Variants in SNTB1 observed in about 807,000 individuals in gnomAD.
The protein encoded by SNTB1 is syntrophin beta 1.
In SNTB1, 36 loss-of-function variants were observed where a neutral mutation model predicts 48.9. That is an observed-to-expected ratio of 0.74 (90% CI 0.56 to 0.97). SNTB1 has a LOEUF of 0.97. Ranked by LOEUF, SNTB1 falls within the 50% of genes least tolerant of loss-of-function variation. The pLI is 0.00. For missense variants in SNTB1, 786 were observed against 703.4 expected, an observed-to-expected ratio of 1.12 and a Z score of -1.33; for synonymous variants, 299 against 294.6, an observed-to-expected ratio of 1.01 and a Z score of -0.15.
chr8:120,649,214 C>T (rs1194023436), intron 2 of SNTB1, among the ~76,000 whole-genome samples: 2 of 151,770 alleles, frequency 1.3e-5, no homozygotes, highest in African/African-American at 2.4e-5. Context: ...TGGTGAGGAA[C>T]TGCGTTCCCT....
chr8:120,811,392 G>A lies in SNTB1; in HGVS notation c.452C>T (p.Thr151Ile). ...KIFKGLAADQ[T>I]QALYVGDAIL... ...GGCGTCGCCCACGTACAGGGCTTGGGTCTGGTCCGCCGCCAGCCCCTTGAA... is the reference window on the plus strand; with the variant it reads ...GGCGTCGCCCACGTACAGGGCTTGGATCTGGTCCGCCGCCAGCCCCTTGAA... The change falls in exon 1 of 7, where the codon ACC becomes ATC. Residue 151 changes from threonine (T) to isoleucine (I), a missense_variant. Thr to Ile is a moderately conservative substitution (Grantham distance 89). Coordinates refer to ENST00000517992, the MANE Select transcript of SNTB1 (RefSeq NM_021021.4). 1 of 1,614,030 alleles carries A rather than the reference G, an allele frequency of 6.2e-7. No homozygotes were observed. Among genetic ancestry groups the A allele is most frequent in the South Asian group, 1.1e-5 (1 of 91,088 alleles).
chr8:120,683,082 T>C (rs751424904), intron 2 of SNTB1, among the ~76,000 whole-genome samples: 21 of 152,050 alleles, frequency 1.4e-4, no homozygotes, highest in South Asian at 1.2e-3. Context: ...GGGGTTTCAC[T>C]GCGTTAGCCA....
intron 2 of SNTB1, among the ~76,000 whole-genome samples, chr8:120,653,808 G>A (rs1224181801): frequency 6.6e-6 from 1 of 151,836 alleles, no homozygotes; most frequent in South Asian, 2.1e-4. Context: ...GGGAGGCCGA[G>A]GCGGGCGGAT....
intron 1 of SNTB1, among the ~76,000 whole-genome samples, chr8:120,788,865 C>T (rs562328523): frequency 6.6e-6 from 1 of 152,118 alleles, no homozygotes; most frequent in African/African-American, 2.4e-5. Flanking sequence ...AAACACTGGA[C>T]TTAAACTGTA....
intron 3 of SNTB1, among the ~76,000 whole-genome samples, chr8:120,619,238 G>A (rs1029987743): frequency 6.6e-6 from 1 of 151,760 alleles, no homozygotes; most frequent in African/African-American, 2.4e-5. Flanking sequence ...ATAATTTACA[G>A]TTCATTAAAT....
At chr8:120,702,213 G>A (rs1200449712) in intron 1 of SNTB1, among the ~76,000 whole-genome samples, 1 of 152,180 alleles carries the variant, frequency 6.6e-6, no homozygotes, top group Non-Finnish European at 1.5e-5. Flanking sequence ...TGTGCCTGTT[G>A]CGGCACAGGG....
intron 4 of SNTB1, among the ~76,000 whole-genome samples, chr8:120,553,091 A>G (rs892364275): frequency 3.3e-5 from 5 of 152,200 alleles, no homozygotes; most frequent in Non-Finnish European, 7.3e-5. Context: ...CCTGCTGTGC[A>G]GTCCCATTCC....
chr8:120,765,410 C>T (rs939224884), intron 1 of SNTB1, among the ~76,000 whole-genome samples: 8 of 152,146 alleles, frequency 5.3e-5, no homozygotes, highest in African/African-American at 1.7e-4. Flanking sequence ...CTTCCTATAA[C>T]GTAGACTGTG....
At chr8:120,804,536 T>C (rs576639190) in intron 1 of SNTB1, among the ~76,000 whole-genome samples, 3 of 152,226 alleles carry the variant, frequency 2.0e-5, no homozygotes, top group East Asian at 1.9e-4. Context: ...AGGTGTTAGA[T>C]CATCTGATTT....
intron 1 of SNTB1, among the ~76,000 whole-genome samples, chr8:120,795,987 C>T (rs959163852): frequency 1.3e-5 from 2 of 152,004 alleles, no homozygotes; most frequent in Non-Finnish European, 2.9e-5. Context: ...TAGTTTGAAT[C>T]TGTGCCGCCG....
chr8:120,791,656 A>AC (rs1820038518), intron 1 of SNTB1, among the ~76,000 whole-genome samples: 1 of 151,976 alleles, frequency 6.6e-6, no homozygotes, highest in Non-Finnish European at 1.5e-5. Context: ...TGAAGCTATG[A>AC]ATTTCTCAAA....
chr8:120,598,369 T>C (rs143664725), intron 3 of SNTB1, among the ~76,000 whole-genome samples: 74 of 152,364 alleles, frequency 4.9e-4, no homozygotes, highest in African/African-American at 1.6e-3. Flanking sequence ...CACTTCTTTA[T>C]GCGAGGCCAA....
intron 4 of SNTB1, among the ~76,000 whole-genome samples, chr8:120,569,647 G>A (rs757697944): frequency 1.3e-5 from 2 of 152,142 alleles, no homozygotes; most frequent in South Asian, 2.1e-4. Flanking sequence ...TGCCTGAGTC[G>A]GGACAAACTT....
At chr8:120,653,659 G>T (rs544187171) in intron 2 of SNTB1, among the ~76,000 whole-genome samples, 329 of 152,200 alleles carry the variant, frequency 2.2e-3, no homozygotes, top group African/African-American at 7.5e-3. Context: ...AAATATATGG[G>T]CGCTTAAAGA....
At chr8:120,693,145 G>A (rs1818155625) in intron 2 of SNTB1, among the ~76,000 whole-genome samples, 1 of 152,110 alleles carries the variant, frequency 6.6e-6, no homozygotes, top group African/African-American at 2.4e-5. Flanking sequence ...TGAACTAATA[G>A]AGCAAGAACT....
At chr8:120,705,868 C>A (rs948555196) in intron 1 of SNTB1, among the ~76,000 whole-genome samples, 1 of 152,102 alleles carries the variant, frequency 6.6e-6, no homozygotes, top group Admixed American at 6.6e-5. Flanking sequence ...CTGTATAATG[C>A]GGAAAACAAT....
At chr8:120,675,469 C>T (rs2129799285) in intron 2 of SNTB1, among the ~76,000 whole-genome samples, 2 of 152,250 alleles carry the variant, frequency 1.3e-5, no homozygotes, top group South Asian at 4.1e-4. Context: ...CACAAAGGGT[C>T]CTATGTGTCA....
intron 2 of SNTB1, chr8:120,638,072 T>C (rs572101630): frequency 6.4e-6 from 1 of 155,170 alleles, no homozygotes; most frequent in African/African-American, 2.4e-5. Flanking sequence ...TCTACAATAA[T>C]GTGGGGCAGC....
At chr8:120,565,068 T>C (rs970316392) in intron 4 of SNTB1, among the ~76,000 whole-genome samples, 4 of 152,154 alleles carry the variant, frequency 2.6e-5, no homozygotes, top group African/African-American at 9.7e-5. Flanking sequence ...TTTGGAGACA[T>C]TTTGTTGGCT....
Sources: allele counts gnomAD v4.1 joint callset (sites outside exome capture counted in the v4.1 genomes callset), GRCh38; gene constraint gnomAD v4.1.1; transcripts MANE v1.5; gene names NCBI Gene and HGNC (gene_info 2026-07-23, HGNC 2026-07-21).